ZBTB20: variants seen among roughly 807,000 people sequenced by gnomAD.
ZBTB20 encodes the protein zinc finger and BTB domain containing 20.
Under a neutral mutation model 56.9 loss-of-function variants are expected in ZBTB20, and 9 were observed. The observed-to-expected ratio is 0.16, with a 90% confidence interval of 0.10 to 0.28. The LOEUF is 0.28. Among genes scored for constraint, ZBTB20 ranks in the 10% least tolerant of loss-of-function variants. The pLI is 1.00. For synonymous variants in ZBTB20, 417 were observed against 420.7 expected, an observed-to-expected ratio of 0.99 and a Z score of 0.11; for missense variants, 655 against 1,003.0, an observed-to-expected ratio of 0.65 and a Z score of 4.69.
intron 6 of ZBTB20, among the ~76,000 whole-genome samples, chr3:114,645,724 G>C (rs1361857947): frequency 6.6e-6 from 1 of 152,070 alleles, no homozygotes; most frequent in Non-Finnish European, 1.5e-5. Flanking sequence ...TTATTATGGA[G>C]AAACCAAATT....
intron 4 of ZBTB20, among the ~76,000 whole-genome samples, chr3:114,826,003 G>A (rs750967915): frequency 6.6e-5 from 10 of 151,624 alleles, no homozygotes; most frequent in Non-Finnish European, 1.2e-4. Context: ...TAGCAAAGTA[G>A]GAAAAGAACT....
At chr3:114,521,758 A>C (rs1473557868) in intron 6 of ZBTB20, among the ~76,000 whole-genome samples, 1 of 152,182 alleles carries the variant, frequency 6.6e-6, no homozygotes, top group Non-Finnish European at 1.5e-5. Flanking sequence ...GCTGAACAGA[A>C]ATAGTGGCCT....
chr3:114,977,350 A>T (rs1362575040), intron 2 of ZBTB20, among the ~76,000 whole-genome samples: 2 of 152,222 alleles, frequency 1.3e-5, no homozygotes, highest in Non-Finnish European at 2.9e-5. Context: ...ACAACAAACC[A>T]GGGGACTGAC....
At chr3:114,978,311 AAAT>A (rs1390760480) in intron 2 of ZBTB20, among the ~76,000 whole-genome samples, 9 of 148,722 alleles carry the variant, frequency 6.1e-5, no homozygotes, top group African/African-American at 9.8e-5. Flanking sequence ...ATTTATTATT[AAAT>A]AATATTATTA....
intron 2 of ZBTB20, among the ~76,000 whole-genome samples, chr3:114,996,370 C>T (rs976989830): frequency 1.6e-4 from 25 of 151,670 alleles, no homozygotes; most frequent in African/African-American, 5.8e-4. Context: ...CTCCCACCCC[C>T]CAAAAGGCCC....
intron 7 of ZBTB20, among the ~76,000 whole-genome samples, chr3:114,489,827 T>A (rs1195937376): frequency 6.6e-6 from 1 of 152,242 alleles, no homozygotes; most frequent in Non-Finnish European, 1.5e-5. Context: ...CATCATTTCC[T>A]AAAGGGAATA....
chr3:114,822,709 C>T (rs754227843), intron 4 of ZBTB20, among the ~76,000 whole-genome samples: 1 of 151,958 alleles, frequency 6.6e-6, no homozygotes, highest in Non-Finnish European at 1.5e-5. Context: ...CTATAAAGCA[C>T]CATACACAGA....
chr3:115,140,267 A>G (rs1187666444), intron 1 of ZBTB20, among the ~76,000 whole-genome samples: 1 of 152,062 alleles, frequency 6.6e-6, no homozygotes, highest in Non-Finnish European at 1.5e-5. Context: ...TTGACAATGT[A>G]TAACAAAGAG....
chr3:114,861,312 T>A (rs1027336665), intron 4 of ZBTB20, among the ~76,000 whole-genome samples: 3 of 152,342 alleles, frequency 2.0e-5, no homozygotes, highest in African/African-American at 7.2e-5. Context: ...ATTTAACTTC[T>A]TTGAACCAAA....
chr3:115,120,273 C>T (rs576042246), intron 1 of ZBTB20, among the ~76,000 whole-genome samples: 7 of 151,946 alleles, frequency 4.6e-5, no homozygotes, highest in South Asian at 2.1e-4. Flanking sequence ...ATGTATGTGG[C>T]GGTAAGATGT....
At chr3:114,928,991 C>T (rs1258580326) in intron 3 of ZBTB20, among the ~76,000 whole-genome samples, 2 of 152,188 alleles carry the variant, frequency 1.3e-5, no homozygotes, top group East Asian at 1.9e-4. Context: ...GAGACACACA[C>T]TCATAGAAAA....
At chr3:114,603,806 C>T (rs1264855098) in intron 6 of ZBTB20, among the ~76,000 whole-genome samples, 1 of 151,852 alleles carries the variant, frequency 6.6e-6, no homozygotes, top group Non-Finnish European at 1.5e-5. Context: ...GTTGACATCA[C>T]TTATAATTTT....
chr3:114,852,719 C>T (rs1434749248), intron 4 of ZBTB20, among the ~76,000 whole-genome samples: 2 of 152,184 alleles, frequency 1.3e-5, no homozygotes, highest in African/African-American at 4.8e-5. Flanking sequence ...ATTAGCTTTG[C>T]TTAGCTGATA....
At chr3:114,992,271 T>G (rs2078848242) in intron 2 of ZBTB20, among the ~76,000 whole-genome samples, 1 of 152,030 alleles carries the variant, frequency 6.6e-6, no homozygotes, top group Non-Finnish European at 1.5e-5. Context: ...CCAAATCAAG[T>G]GCTAAATATA....
intron 7 of ZBTB20, among the ~76,000 whole-genome samples, chr3:114,488,931 T>C (rs1006502883): frequency 6.6e-6 from 1 of 152,182 alleles, no homozygotes; most frequent in Admixed American, 6.5e-5. Context: ...ACTATTACAA[T>C]GTTAAGTGAA....
chr3:115,043,617 A>G (rs868471297), intron 2 of ZBTB20, among the ~76,000 whole-genome samples: 41 of 142,762 alleles, frequency 2.9e-4, no homozygotes, highest in Middle Eastern at 7.8e-3. Flanking sequence ...AAAATAAAAT[A>G]AAATAAAATA....
chr3:114,590,900 C>G (rs1169900334), intron 6 of ZBTB20, among the ~76,000 whole-genome samples: 1 of 152,224 alleles, frequency 6.6e-6, no homozygotes, highest in African/African-American at 2.4e-5. Context: ...GATAATCTCA[C>G]AACTTCCCTT....
At chr3:114,519,943 C>G (rs545479428) in intron 6 of ZBTB20, 1 of 151,228 alleles carries the variant, frequency 6.6e-6, no homozygotes, top group East Asian at 1.9e-4. Flanking sequence ...AAAAGGTAAA[C>G]AAGTAAACCT....
At chr3:114,868,350 C>T (rs1212303813) in intron 4 of ZBTB20, among the ~76,000 whole-genome samples, 1 of 152,160 alleles carries the variant, frequency 6.6e-6, no homozygotes, top group Non-Finnish European at 1.5e-5. Context: ...ACAAAACCAA[C>T]AGCTTTTCTG....
Sources: gnomAD v4.1 joint callset for allele counts (sites outside exome capture counted in the v4.1 genomes callset) on GRCh38, gnomAD v4.1.1 for gene constraint, MANE v1.5 for transcripts, NCBI Gene and HGNC (gene_info 2026-07-23, HGNC 2026-07-21) for gene names.